The following CNTNAP5 variants were observed in gnomAD, a reference collection of about 807,000 sequenced individuals.
CNTNAP5 encodes contactin-associated protein-like 5.
In CNTNAP5, 72 loss-of-function variants were observed where a neutral mutation model predicts 150.2. The ratio of observed to expected loss-of-function variants is 0.48; its 90% CI spans 0.40 to 0.58. The LOEUF (loss-of-function observed/expected upper bound fraction) is 0.58, where lower values mean the gene tolerates loss of function less well. Among genes scored for constraint, CNTNAP5 ranks in the 20% least tolerant of loss-of-function variants. The pLI, the probability that CNTNAP5 is intolerant of heterozygous loss-of-function variation, is 0.00. For missense variants in CNTNAP5, 1,636 were observed against 1,626.2 expected, an observed-to-expected ratio of 1.01 and a Z score of -0.10; for synonymous variants, 672 against 619.8, an observed-to-expected ratio of 1.08 and a Z score of -1.25.
chr2:124,654,981 AT>A (rs1678410516), intron 13 of CNTNAP5, among the ~76,000 whole-genome samples: 1 of 149,826 alleles, frequency 6.7e-6, no homozygotes, highest in African/African-American at 2.5e-5. Flanking sequence ...TATTATTGTT[AT>A]TATTATTATT....
At chr2:124,032,655 T>A (rs1179134481) in intron 1 of CNTNAP5, among the ~76,000 whole-genome samples, 1 of 152,084 alleles carries the variant, frequency 6.6e-6, no homozygotes, top group African/African-American at 2.4e-5. Flanking sequence ...AAGGTACAGA[T>A]TTGTATTCTG....
chr2:124,671,734 G>A lies in CNTNAP5; in HGVS notation c.2077+23776G>A, dbSNP rs566650426. ...GGCTCACTGCAACTTCTGCCTCCCA[G>A]GTTCAAGTGATTCTCTTGATTCAGC... On this transcript the variant is annotated intron_variant, in intron 13 of 23. Transcript: ENST00000682447. Among the ~76,000 whole-genome samples, 5 of 152,224 alleles carry A rather than the reference G, an allele frequency of 3.3e-5. No individual in the cohort carries two copies. The South Asian group carries it at 8.3e-4, about 25-fold the overall frequency.
At chr2:124,202,004 T>C (rs1253005511) in intron 1 of CNTNAP5, among the ~76,000 whole-genome samples, 1 of 152,192 alleles carries the variant, frequency 6.6e-6, no homozygotes, top group African/African-American at 2.4e-5. Flanking sequence ...CTGAGTCATA[T>C]ACATATTATA....
intron 11 of CNTNAP5, among the ~76,000 whole-genome samples, chr2:124,565,003 G>A (rs1695983336): frequency 6.6e-6 from 1 of 152,068 alleles, no homozygotes; most frequent in Non-Finnish European, 1.5e-5. Context: ...TGGCACTTGG[G>A]GATGCAGAAA....
intron 13 of CNTNAP5, among the ~76,000 whole-genome samples, chr2:124,731,257 G>C (rs181277678): frequency 8.2e-4 from 125 of 152,114 alleles, no homozygotes; most frequent in Admixed American, 3.0e-3. Context: ...TGATGTATTT[G>C]CCCACCTACT....
intron 4 of CNTNAP5, among the ~76,000 whole-genome samples, chr2:124,426,883 C>T (rs974208805): frequency 2.0e-5 from 3 of 152,240 alleles, no homozygotes; most frequent in Admixed American, 6.5e-5. Context: ...GATGGGGGAG[C>T]GCATGCTGGC....
chr2:124,108,478 C>T (rs946184215), intron 1 of CNTNAP5, among the ~76,000 whole-genome samples: 2 of 152,158 alleles, frequency 1.3e-5, no homozygotes, highest in African/African-American at 4.8e-5. Context: ...CTTCTCACCC[C>T]TTTGCCCTCT....
chr2:124,245,968 C>T (rs1687010699), intron 3 of CNTNAP5, among the ~76,000 whole-genome samples: 3 of 151,964 alleles, frequency 2.0e-5, no homozygotes, highest in African/African-American at 7.3e-5. Flanking sequence ...TGGTCTCCAA[C>T]TCGTAGGCCC....
In CNTNAP5 at chr2:124,342,399, T is replaced by A. The variant is rs536179241; in HGVS notation, c.382-75044T>A. ...CCAAGTTCTTGGGTTTGTCAGAGAGTGACATTCTTTACTTACCAGCATGGC... is the reference window on the plus strand; with the variant it reads ...CCAAGTTCTTGGGTTTGTCAGAGAGAGACATTCTTTACTTACCAGCATGGC... On this transcript the variant is annotated intron_variant, in intron 3 of 23. Coordinates refer to ENST00000682447, the MANE Select transcript of CNTNAP5 (RefSeq NM_001367498.1). 6.6e-5 allele frequency among the ~76,000 whole-genome samples: 10 copies of A among 152,236 alleles called. No individual in the cohort carries two copies. The East Asian group carries it at 1.5e-3, about 24-fold the overall frequency.
chr2:124,451,601 T>A (rs1692983661), intron 6 of CNTNAP5, among the ~76,000 whole-genome samples: 1 of 152,000 alleles, frequency 6.6e-6, no homozygotes, highest in African/African-American at 2.4e-5. Context: ...ATCGTGAACT[T>A]TGGCTCCAGA....
intron 13 of CNTNAP5, among the ~76,000 whole-genome samples, chr2:124,723,255 C>T (rs1364742020): frequency 1.3e-5 from 2 of 152,172 alleles, no homozygotes; most frequent in African/African-American, 4.8e-5. Context: ...AAGTTCATCA[C>T]ATACAATATG....
chr2:124,200,360 T>C (rs1392690198), intron 1 of CNTNAP5, among the ~76,000 whole-genome samples: 1 of 152,200 alleles, frequency 6.6e-6, no homozygotes, highest in Non-Finnish European at 1.5e-5. Context: ...ATATTTCTTT[T>C]TGAGACACCA....
chr2:124,869,145 C>G (rs949534120), intron 20 of CNTNAP5, among the ~76,000 whole-genome samples: 1 of 152,072 alleles, frequency 6.6e-6, no homozygotes, highest in Admixed American at 6.5e-5. Context: ...TTCAGCTGCC[C>G]TCTCCTCCCC....
chr2:124,751,812 A>G (rs1680733277), intron 14 of CNTNAP5, among the ~76,000 whole-genome samples: 1 of 152,246 alleles, frequency 6.6e-6, no homozygotes, highest in Non-Finnish European at 1.5e-5. Context: ...ACTCCTAGAT[A>G]GTATTGTCAC....
At position 124,858,759 on chromosome 2, in the gene CNTNAP5, ACTAT is replaced by A. The variant is rs531993097; in HGVS notation, c.3218-6543_3218-6540del. 4.4e-3 allele frequency among the ~76,000 whole-genome samples: 674 copies of A among 152,332 alleles called. 4 individuals are homozygous for A. The highest frequency in any genetic ancestry group is 0.015 in the African/African-American group (629 of 41,586). On this transcript the variant is annotated intron_variant, in intron 19 of 23. Coordinates refer to ENST00000682447, the MANE Select transcript of CNTNAP5 (RefSeq NM_001367498.1). ...TATCACCAGAGAAAACTTCAAATAA[ACTAT>A]CTAACAATGCATTTTAAAGAAGCAG...
At chr2:124,182,278 C>T (rs1685227637) in intron 1 of CNTNAP5, among the ~76,000 whole-genome samples, 1 of 152,154 alleles carries the variant, frequency 6.6e-6, no homozygotes, top group African/African-American at 2.4e-5. Context: ...CTCACATCCT[C>T]TTCAAATGAA....
chr2:124,725,492 TTCCTC>T (rs1279240252), intron 13 of CNTNAP5, among the ~76,000 whole-genome samples: 3 of 143,802 alleles, frequency 2.1e-5, no homozygotes, highest in South Asian at 2.5e-4. Context: ...CCCCCTTCCT[TTCCTC>T]TCCTCTCCTC....
chr2:124,919,665 G>A lies in CNTNAP5; in HGVS notation c.*5377G>A, dbSNP rs759362542. Among the ~76,000 whole-genome samples, 2 of 151,784 alleles carry A rather than the reference G, an allele frequency of 1.3e-5. No homozygotes were observed. The highest frequency in any genetic ancestry group is 2.9e-5 in the Non-Finnish European group (2 of 67,920). ...ATTGTCTTACTCATTAGGGAAAGAG[G>A]CAATATCATGGGCTTTGCATGAATA... is the stretch of plus-strand genomic sequence containing the variant. On this transcript the variant is annotated 3_prime_UTR_variant, in exon 24 of 24. Transcript: ENST00000682447.
intron 6 of CNTNAP5, among the ~76,000 whole-genome samples, chr2:124,472,852 A>C (rs796467940): frequency 5.3e-5 from 8 of 152,130 alleles, no homozygotes; most frequent in African/African-American, 1.9e-4. Flanking sequence ...TGTTGGAAAA[A>C]TAGTGCTGAG....
Sources: allele counts gnomAD v4.1 joint callset (sites outside exome capture counted in the v4.1 genomes callset), GRCh38; gene constraint gnomAD v4.1.1; transcripts MANE v1.5; gene names NCBI Gene and HGNC (gene_info 2026-07-23, HGNC 2026-07-21).